EYS: variants seen among roughly 807,000 people sequenced by gnomAD.
EYS encodes the protein EGF-like photoreceptor maintenance factor.
EYS carries 250 observed loss-of-function variants against 282.1 expected under a neutral mutation model. The ratio of observed to expected loss-of-function variants is 0.89; its 90% CI spans 0.80 to 0.98. EYS has a LOEUF of 0.98. EYS is among the 50% of genes least tolerant of loss of function. The pLI, the probability that EYS is intolerant of heterozygous loss-of-function variation, is 0.00. For synonymous variants in EYS, 1,355 were observed against 1,282.9 expected (o/e 1.06, Z -1.20); for missense variants, 4,016 against 3,709.0 (o/e 1.08, Z -2.15).
At chr6:64,332,330 T>G (rs1198436906) in intron 29 of EYS, among the ~76,000 whole-genome samples, 2 of 152,144 alleles carry the variant, frequency 1.3e-5, no homozygotes, top group Non-Finnish European at 1.5e-5. Flanking sequence ...AGAAGGCAAA[T>G]GCAAGCCTTA....
chr6:65,340,649 A>G (rs1276422613), intron 10 of EYS, among the ~76,000 whole-genome samples: 2 of 150,908 alleles, frequency 1.3e-5, no homozygotes, highest in African/African-American at 4.9e-5. Context: ...ATCCCCACTA[A>G]ATACCCTCTA....
At chr6:63,780,038 G>T (rs751816206) in intron 39 of EYS, among the ~76,000 whole-genome samples, 1 of 152,074 alleles carries the variant, frequency 6.6e-6, no homozygotes, top group African/African-American at 2.4e-5. Flanking sequence ...CAGAATGATG[G>T]TTTACAGCTT....
intron 31 of EYS, among the ~76,000 whole-genome samples, chr6:64,108,972 C>A (rs1467696536): frequency 1.3e-5 from 2 of 152,044 alleles, no homozygotes; most frequent in East Asian, 3.9e-4. Flanking sequence ...CTGGAAAGGT[C>A]AAGTAACATG....
intron 31 of EYS, among the ~76,000 whole-genome samples, chr6:64,130,313 A>C (rs1773929683): frequency 6.6e-6 from 1 of 152,236 alleles, no homozygotes; most frequent in African/African-American, 2.4e-5. Context: ...AAAGAGGATG[A>C]GTTCATGTCC....
intron 26 of EYS, among the ~76,000 whole-genome samples, chr6:64,484,615 A>G (rs1422887048): frequency 1.3e-5 from 2 of 151,670 alleles, no homozygotes; most frequent in African/African-American, 2.4e-5. Context: ...TGTGAGTAGC[A>G]TAACATTTGT....
At chr6:65,648,314 ATGTGTGTGTGTGTGTGTGTGTGTG>A (rs58196369) in intron 1 of EYS, among the ~76,000 whole-genome samples, 1 of 147,792 alleles carries the variant, frequency 6.8e-6, no homozygotes, top group South Asian at 2.2e-4. Context: ...AAGAAAATAT[ATGTGTGTGTGTGTGTGTGTGTGTG>A]TGTGTGTGTG....
intron 33 of EYS, among the ~76,000 whole-genome samples, chr6:64,044,252 T>C (rs1343161656): frequency 6.6e-6 from 1 of 152,228 alleles, no homozygotes; most frequent in Non-Finnish European, 1.5e-5. Flanking sequence ...ATGGAAAGTT[T>C]GTTTCAAAAT....
At chr6:64,785,668 A>T (rs1773992800) in intron 22 of EYS, among the ~76,000 whole-genome samples, 1 of 152,242 alleles carries the variant, frequency 6.6e-6, no homozygotes, top group African/African-American at 2.4e-5. Context: ...ATGTAATAGT[A>T]TCATAACCTG....
intron 22 of EYS, among the ~76,000 whole-genome samples, chr6:64,717,866 C>T (rs1453054591): frequency 6.6e-6 from 1 of 152,044 alleles, no homozygotes. Flanking sequence ...ACCTCAAAAG[C>T]CTTTAGAAAG....
At chr6:64,629,813 T>G (rs1182940249) in intron 22 of EYS, among the ~76,000 whole-genome samples, 12 of 152,212 alleles carry the variant, frequency 7.9e-5, no homozygotes, top group African/African-American at 2.9e-4. Context: ...GAAAATTATC[T>G]TCTACAAAGA....
intron 22 of EYS, among the ~76,000 whole-genome samples, chr6:64,630,774 ATTC>A (rs1324056256): frequency 6.6e-6 from 1 of 152,186 alleles, no homozygotes; most frequent in Non-Finnish European, 1.5e-5. Context: ...TGATGTTTAC[ATTC>A]TTAGCTTGAA....
intron 12 of EYS, among the ~76,000 whole-genome samples, chr6:65,180,985 G>T (rs904150735): frequency 1.3e-5 from 2 of 152,050 alleles, no homozygotes; most frequent in Admixed American, 6.6e-5. Context: ...AAATGGTGCC[G>T]GGAAAACTGG....
At chr6:65,319,469 C>A (rs1022555456) in intron 11 of EYS, among the ~76,000 whole-genome samples, 1 of 151,898 alleles carries the variant, frequency 6.6e-6, no homozygotes, top group Non-Finnish European at 1.5e-5. Flanking sequence ...TGAAAGTCTT[C>A]AGTTTTCCAT....
At chr6:63,844,286 T>C (rs1429046771) in intron 36 of EYS, among the ~76,000 whole-genome samples, 1 of 152,214 alleles carries the variant, frequency 6.6e-6, no homozygotes, top group East Asian at 1.9e-4. Context: ...TCAATGTCTT[T>C]GCTATTGTGA....
chr6:65,386,529 T>C (rs1009376064), intron 7 of EYS, among the ~76,000 whole-genome samples: 7 of 151,898 alleles, frequency 4.6e-5, no homozygotes, highest in Non-Finnish European at 7.4e-5. Context: ...AAGAAAAATG[T>C]CATCCTATCA....
chr6:64,854,721 A>T (rs867011756), intron 19 of EYS, among the ~76,000 whole-genome samples: 55 of 152,168 alleles, frequency 3.6e-4, no homozygotes, highest in Middle Eastern at 6.8e-3. Context: ...GTGCACATGT[A>T]CCCTAACAGT....
At chr6:64,704,790 G>A (rs1206250318) in intron 22 of EYS, among the ~76,000 whole-genome samples, 2 of 151,838 alleles carry the variant, frequency 1.3e-5, no homozygotes. Flanking sequence ...CAGGTCTTAC[G>A]ACCATCAAAT....
At chr6:65,331,669 C>G in intron 11 of EYS, 1 of 980,040 alleles carries the variant, frequency 1.0e-6, no homozygotes, top group Non-Finnish European at 1.2e-6. Flanking sequence ...AATAACATCA[C>G]AAAACGAAGG....
intron 14 of EYS, among the ~76,000 whole-genome samples, chr6:64,974,904 T>C (rs1382817301): frequency 6.6e-6 from 1 of 151,864 alleles, no homozygotes; most frequent in Non-Finnish European, 1.5e-5. Flanking sequence ...GGTGTGTGCA[T>C]AAATTTAAAA....
Sources: gnomAD v4.1 joint callset for allele counts (sites outside exome capture counted in the v4.1 genomes callset) on GRCh38, gnomAD v4.1.1 for gene constraint, MANE v1.5 for transcripts, NCBI Gene and HGNC (gene_info 2026-07-23, HGNC 2026-07-21) for gene names.